The following TENM3 variants were observed in gnomAD, a reference collection of about 807,000 sequenced individuals.
TENM3 encodes the protein teneurin transmembrane protein 3.
In TENM3, 63 loss-of-function variants were observed where a neutral mutation model predicts 255.1. The observed-to-expected ratio is 0.25, with a 90% CI of 0.20 to 0.30. The LOEUF (loss-of-function observed/expected upper bound fraction) is 0.30, where lower values mean the gene tolerates loss of function less well. Among genes scored for constraint, TENM3 ranks in the 10% least tolerant of loss-of-function variants. TENM3 has a pLI of 1.00. For synonymous variants in TENM3, 1,306 were observed against 1,322.3 expected (o/e 0.99, Z 0.27); for missense variants, 2,929 against 3,461.1 (o/e 0.85, Z 3.86).
intron 3 of TENM3, among the ~76,000 whole-genome samples, chr4:182,557,956 C>T (rs918839387): frequency 1.7e-4 from 26 of 152,158 alleles, no homozygotes; most frequent in African/African-American, 2.2e-4. Context: ...GTTTACTTCC[C>T]GCTTGATCTG....
the TENM3 span, among the ~76,000 whole-genome samples, chr4:181,854,370 A>C: frequency 2.0e-5 from 3 of 152,212 alleles, no homozygotes; most frequent in Non-Finnish European, 4.4e-5. Context: ...CGAATTAGTC[A>C]GAAGAACACT....
At chr4:182,315,514 A>G (rs1000500668) in intron 1 of TENM3, among the ~76,000 whole-genome samples, 1 of 151,256 alleles carries the variant, frequency 6.6e-6, no homozygotes, top group African/African-American at 2.4e-5. Flanking sequence ...TGCCTTTAAG[A>G]TTTTCTCTTT....
chr4:181,995,133 A>G, the TENM3 span, among the ~76,000 whole-genome samples: 1 of 152,062 alleles, frequency 6.6e-6, no homozygotes, highest in Non-Finnish European at 1.5e-5. Context: ...TACTAAAAGT[A>G]CAGAAAATTA....
chr4:182,626,128 T>C (rs769793066), intron 4 of TENM3, among the ~76,000 whole-genome samples: 6 of 152,080 alleles, frequency 3.9e-5, no homozygotes, highest in Non-Finnish European at 5.9e-5. Context: ...AACAGCAGAG[T>C]TCAGTGATAT....
chr4:182,106,785 T>C, the TENM3 span, among the ~76,000 whole-genome samples: 1 of 152,162 alleles, frequency 6.6e-6, no homozygotes, highest in Admixed American at 6.5e-5. Context: ...AGTATTCATA[T>C]TGGTATTAGC....
chr4:182,282,624 G>T (rs888339246), intron 1 of TENM3, among the ~76,000 whole-genome samples: 1 of 152,106 alleles, frequency 6.6e-6, no homozygotes, highest in African/African-American at 2.4e-5. Flanking sequence ...CGGGCACAGT[G>T]GCTCACACCT....
At chr4:181,632,457 A>T in the TENM3 span, among the ~76,000 whole-genome samples, 1 of 152,214 alleles carries the variant, frequency 6.6e-6, no homozygotes, top group Non-Finnish European at 1.5e-5. Flanking sequence ...TGCATTCTAC[A>T]CCAAGCTTTT....
rs879053458 is a variant in TENM3, at chr4:182,789,060, A to T, written c.5305-33A>T. The T allele has an allele frequency of 6.4e-7, 1 of 1,561,438 alleles. No homozygotes were observed. The highest frequency in any genetic ancestry group is 1.2e-5 in the South Asian group (1 of 84,150). On this transcript the variant is annotated intron_variant, in intron 24 of 27. Transcript: ENST00000511685. The surrounding 1 kb of genome is among the most constrained non-coding windows in gnomAD (Gnocchi z 4.4). The stretch of plus-strand genomic sequence containing the variant: ...GGGACTCCGGTGTTGGAATAACATG[A>T]TTTATTTTATCATCTTGTTGGTGTT...
At chr4:182,193,204 T>C (rs1158343552) in intron 1 of TENM3, among the ~76,000 whole-genome samples, 1 of 152,196 alleles carries the variant, frequency 6.6e-6, no homozygotes, top group Non-Finnish European at 1.5e-5. Context: ...AACAAGGTTC[T>C]GAAAAATGAA....
intron 1 of TENM3, among the ~76,000 whole-genome samples, chr4:182,157,212 A>G (rs1750774701): frequency 6.6e-6 from 1 of 152,230 alleles, no homozygotes; most frequent in Non-Finnish European, 1.5e-5. Flanking sequence ...GTTTCGAAAC[A>G]TAGTGAACTG....
chr4:182,154,656 C>T (rs928489515), intron 1 of TENM3, among the ~76,000 whole-genome samples: 5 of 152,092 alleles, frequency 3.3e-5, no homozygotes, highest in African/African-American at 4.8e-5. Context: ...TGGGGTACCT[C>T]CTCAGTACAG....
the TENM3 span, among the ~76,000 whole-genome samples, chr4:181,488,683 G>T: frequency 6.6e-6 from 1 of 151,788 alleles, no homozygotes; most frequent in Admixed American, 6.6e-5. Flanking sequence ...CAAATTTCTC[G>T]GTAAGTCGGC....
chr4:181,698,515 C>T, the TENM3 span, among the ~76,000 whole-genome samples: 1 of 152,058 alleles, frequency 6.6e-6, no homozygotes, highest in Non-Finnish European at 1.5e-5. Context: ...CTACTTCATC[C>T]AGAATAGTAG....
chr4:182,318,513 A>T (rs1270443969), intron 1 of TENM3, among the ~76,000 whole-genome samples: 1 of 152,184 alleles, frequency 6.6e-6, no homozygotes, highest in East Asian at 1.9e-4. Flanking sequence ...ATCTGAAATA[A>T]AGGATAGGAT....
chr4:181,687,599 AGTT>A, the TENM3 span, among the ~76,000 whole-genome samples: 5 of 152,286 alleles, frequency 3.3e-5, no homozygotes, highest in South Asian at 1.0e-3. Context: ...GTTTGCAGCC[AGTT>A]GTTAGACGCT....
chr4:181,988,445 T>A, the TENM3 span, among the ~76,000 whole-genome samples: 1 of 152,240 alleles, frequency 6.6e-6, no homozygotes. Context: ...TGTCCTTGCC[T>A]ACTGCCATCT....
the TENM3 span, among the ~76,000 whole-genome samples, chr4:181,529,557 GGT>G: frequency 6.6e-6 from 1 of 152,194 alleles, no homozygotes; most frequent in Non-Finnish European, 1.5e-5. Context: ...AATCACGTGG[GGT>G]GGGGGGTTGT....
At chr4:181,933,497 C>T in the TENM3 span, among the ~76,000 whole-genome samples, 2 of 152,068 alleles carry the variant, frequency 1.3e-5, no homozygotes, top group African/African-American at 2.4e-5. Flanking sequence ...TATTGAAATA[C>T]CCACACCCCC....
chr4:181,549,991 T>A, the TENM3 span, among the ~76,000 whole-genome samples: 1 of 152,196 alleles, frequency 6.6e-6, no homozygotes, highest in Non-Finnish European at 1.5e-5. Context: ...CTCGTCAGCA[T>A]TTCCCATGGT....
Sources: gnomAD v4.1 joint callset for allele counts (sites outside exome capture counted in the v4.1 genomes callset) on GRCh38, gnomAD v4.1.1 for gene constraint, Gnocchi (gnomAD v3.1) non-coding constraint, MANE v1.5 for transcripts, NCBI Gene and HGNC (gene_info 2026-07-23, HGNC 2026-07-21) for gene names.